Variants in NOP53 observed in about 807,000 individuals in gnomAD.
NOP53 encodes the protein ribosome biogenesis protein NOP53.
In NOP53, 40 loss-of-function variants were observed where a neutral mutation model predicts 61.0. That is an observed-to-expected ratio of 0.66 (90% CI 0.51 to 0.85). The LOEUF is 0.85. Among genes scored for constraint, NOP53 ranks in the 40% least tolerant of loss-of-function variants. The pLI is 0.00. For missense variants in NOP53, 689 were observed against 652.9 expected, an observed-to-expected ratio of 1.06 and a Z score of -0.60; for synonymous variants, 308 against 289.5, an observed-to-expected ratio of 1.06 and a Z score of -0.65.
rs1967161587 is a variant in NOP53, at chr19:47,754,442, G to C, written c.766-85G>C. On this transcript the variant is annotated intron_variant, in intron 6 of 12. Coordinates refer to ENST00000246802, the MANE Select transcript of NOP53 (RefSeq NM_015710.5). The surrounding 1 kb of genome is among the most constrained non-coding windows in gnomAD (Gnocchi z 4.2). ...GCCGGGGCGGGATCCACGGGCACTG[G>C]ATGAGGGACAGATGGGAGGTAAGAG... 11 of 1,086,586 alleles carry C rather than the reference G, an allele frequency of 1.0e-5. No homozygotes were observed. In the South Asian group the frequency reaches 1.5e-4, roughly 15 times the overall value. 67.3% of individuals were successfully genotyped at this position (1,086,586 alleles called of 1,614,324 possible). A position where few individuals can be genotyped will look rare whatever the true frequency, so the allele number is the denominator to read the frequency against.
intron 6 of NOP53, 54 bp downstream of exon 6, chr19:47,752,661 G>T: frequency 9.4e-7 from 1 of 1,060,408 alleles, no homozygotes; most frequent in Non-Finnish European, 1.5e-6. Flanking sequence ...TCTTGGTCAG[G>T]CCTTCACTAG....
In NOP53 at chr19:47,754,557, T is replaced by G; in HGVS notation, c.796T>G (p.Leu266Val). ...GCTCTCAGCGGCCCACGAGGTGGAGTTGCAGCGGCAGAAGGAGGCGGAGAA... is the reference window on the plus strand; with the variant it reads ...GCTCTCAGCGGCCCACGAGGTGGAGGTGCAGCGGCAGAAGGAGGCGGAGAA... ...TLLSAAHEVE[L>V]QRQKEAEKLE... The change falls in exon 7 of 13, where the codon TTG becomes GTG. Residue 266 changes from leucine (L) to valine (V), a missense_variant. By Grantham distance (32) the Leu-to-Val change is conservative. Coordinates refer to ENST00000246802, the MANE Select transcript of NOP53 (RefSeq NM_015710.5). The surrounding 1 kb of genome is among the most constrained non-coding windows in gnomAD (Gnocchi z 4.2). 6.4e-7 allele frequency: 1 copy of G among 1,551,686 alleles called. No homozygotes were observed. The highest frequency in any genetic ancestry group is 8.7e-7 in the Non-Finnish European group (1 of 1,148,540).
chr19:47,749,006 A>G (rs1001434631), intron 2 of NOP53, among the ~76,000 whole-genome samples: 6 of 152,086 alleles, frequency 3.9e-5, no homozygotes, highest in Non-Finnish European at 5.9e-5. Flanking sequence ...TACTAAGAGT[A>G]CAAAATTAGC....
At chr19:47,752,045 G>A (rs1339455589) in intron 5 of NOP53, among the ~76,000 whole-genome samples, 3 of 151,956 alleles carry the variant, frequency 2.0e-5, no homozygotes, top group Non-Finnish European at 4.4e-5. Flanking sequence ...AGGTGGAGGT[G>A]GCAGTGAGCC....
chr19:47,745,752 G>T lies in NOP53; in HGVS notation c.193G>T (p.Glu65Ter). 1 of 1,592,582 alleles carries T rather than the reference G, an allele frequency of 6.3e-7. No individual in the cohort carries two copies. The highest frequency in any genetic ancestry group is 8.6e-7 in the Non-Finnish European group (1 of 1,169,382). The change falls in exon 1 of 13, where the codon GAA (glutamate) becomes TAA (stop). Residue 65 changes from glutamate (E) to a stop codon, truncating the protein, a stop_gained. Coordinates refer to ENST00000246802, the MANE Select transcript of NOP53 (RefSeq NM_015710.5). LOFTEE classifies it high-confidence loss of function. ...PLGLEVDQFL[E>*]DVRLQERTSG... is the part of the protein sequence containing the mutation. Reference sequence around the variant, plus strand: ...GGGGCTGGAGGTTGACCAGTTCCTGGAAGACGTGCGGCTACAGGAGCGCAC... The same window carrying T: ...GGGGCTGGAGGTTGACCAGTTCCTGTAAGACGTGCGGCTACAGGAGCGCAC...
At position 47,754,767 on chromosome 19, in the gene NOP53, A is replaced by G; in HGVS notation, c.929A>G (p.Glu310Gly). ...GLLEESDGEG[E>G]PGQGEGPEAG... Reference sequence around the variant, plus strand: ...CTGGAGGAGTCGGATGGTGAGGGGGAGCCAGGCCAGGGCGAGGGGCCGGAG... The same window carrying G: ...CTGGAGGAGTCGGATGGTGAGGGGGGGCCAGGCCAGGGCGAGGGGCCGGAG... Residue 310 changes from glutamate (E) to glycine (G), a missense_variant, in exon 8 of 13, where the codon GAG becomes GGG. Coordinates refer to ENST00000246802, the MANE Select transcript of NOP53 (RefSeq NM_015710.5). This position sits in a 1 kb window ranked among gnomAD's most constrained non-coding sequence, Gnocchi z 4.2. 1.3e-6 allele frequency: 2 copies of G among 1,524,846 alleles called. No individual in the cohort carries two copies. Among genetic ancestry groups the G allele is most frequent in the Non-Finnish European group, 1.8e-6 (2 of 1,133,506 alleles). The allele number at this position is 1,524,846 out of a possible 1,614,324, so 94.5% of individuals were successfully genotyped here.
At chr19:47,751,649 C>A in intron 5 of NOP53, 59 bp downstream of exon 5, 2 of 1,263,864 alleles carry the variant, frequency 1.6e-6, no homozygotes, top group Non-Finnish European at 2.3e-6. Flanking sequence ...CCGGGAGCTG[C>A]TCTGTGTTCC....
intron 1 of NOP53, chr19:47,746,741 G>C (rs1967069255): frequency 2.4e-6 from 1 of 420,750 alleles, no homozygotes; most frequent in African/African-American, 2.1e-5. Flanking sequence ...GACCTCAGGT[G>C]AGCCACCCGC....
In NOP53 at chr19:47,754,736, G is replaced by T; in HGVS notation, c.898G>T (p.Gly300Trp). ...GTCCACATTCCAGGAGCTGTGCGAG[G>T]GGCTGCTGGAGGAGTCGGATGGTGA... ...QESTFQELCE[G>W]LLEESDGEGE... Residue 300 changes from glycine to tryptophan, a missense_variant, in exon 8 of 13, where the codon GGG (glycine) becomes TGG (tryptophan). Coordinates refer to ENST00000246802, the MANE Select transcript of NOP53 (RefSeq NM_015710.5). The surrounding 1 kb of genome is among the most constrained non-coding windows in gnomAD (Gnocchi z 4.2). 1 of 1,529,818 alleles carries T rather than the reference G, an allele frequency of 6.5e-7. No homozygotes were observed. 94.8% of individuals were successfully genotyped at this position (1,529,818 alleles called of 1,614,324 possible).
intron 6 of NOP53, chr19:47,753,766 C>T (rs1225912934): frequency 1.3e-5 from 2 of 152,224 alleles, no homozygotes; most frequent in Non-Finnish European, 1.5e-5. Flanking sequence ...AGATAAAATT[C>T]ACTTAACCAT....
At position 47,754,931 on chromosome 19, in the gene NOP53, G is replaced by T. The variant is rs761484579; in HGVS notation, c.1053+40G>T. 7 of 1,464,196 alleles carry T rather than the reference G, an allele frequency of 4.8e-6. No homozygotes were observed. The African/African-American group carries it at 1.0e-4, about 21-fold the overall frequency. 90.7% of individuals were successfully genotyped at this position (1,464,196 alleles called of 1,614,324 possible). A position where few individuals can be genotyped will look rare whatever the true frequency, so the allele number is the denominator to read the frequency against. ...CAGCGGGGCCTGCCTCTGATGCCTC[G>T]CCCCCTTCCTTCCTTCCTCCCACCA... On this transcript the variant is annotated intron_variant, in intron 8 of 12. Coordinates refer to ENST00000246802, the MANE Select transcript of NOP53 (RefSeq NM_015710.5). This position sits in a 1 kb window ranked among gnomAD's most constrained non-coding sequence, Gnocchi z 4.2.
chr19:47,750,167 C>T lies in NOP53; in HGVS notation c.290-11C>T. 2 of 1,567,948 alleles carry T rather than the reference C, an allele frequency of 1.3e-6. No individual in the cohort carries two copies. The highest frequency in any genetic ancestry group is 1.8e-6 in the Non-Finnish European group (2 of 1,138,306). The stretch of plus-strand genomic sequence containing the variant: ...GCTGAGGCCTTGACTTGTTCTCTTT[C>T]CCATTCTTAGGGCTGACAAAGAAGA... On this transcript the variant is annotated splice_polypyrimidine_tract_variant and intron_variant, in intron 2 of 12. Coordinates refer to ENST00000246802, the MANE Select transcript of NOP53 (RefSeq NM_015710.5).
chr19:47,746,986 C>A lies in NOP53; in HGVS notation c.244C>A (p.Pro82Thr), dbSNP rs138693122. 1.9e-6 allele frequency: 3 copies of A among 1,613,692 alleles called. No individual in the cohort carries two copies. Among genetic ancestry groups the A allele is most frequent in the African/African-American group, 2.7e-5 (2 of 74,894 alleles). The change falls in exon 2 of 13, where the codon CCA becomes ACA. Residue 82 changes from proline to threonine, a missense_variant. Physicochemically the swap from Pro to Thr is conservative, Grantham distance 38 (BLOSUM62 -1). Coordinates refer to ENST00000246802, the MANE Select transcript of NOP53 (RefSeq NM_015710.5). ...RTSGGLLSEA[P>T]NEKLFFVDTG... The stretch of plus-strand genomic sequence containing the variant: ...CCCCAGTGGCTTGTTGTCAGAGGCC[C>A]CAAATGAAAAACTCTTCTTCGTGGA...
At chr19:47,749,376 T>C (rs1295952188) in intron 2 of NOP53, among the ~76,000 whole-genome samples, 1 of 152,034 alleles carries the variant, frequency 6.6e-6, no homozygotes, top group African/African-American at 2.4e-5. Context: ...CGGACAAAGA[T>C]CATAGTGGTT....
chr19:47,748,278 C>T (rs897418311), intron 2 of NOP53, among the ~76,000 whole-genome samples: 3 of 151,926 alleles, frequency 2.0e-5, no homozygotes, highest in Admixed American at 1.3e-4. Flanking sequence ...GGGTAACACA[C>T]GTCTTAACTT....
rs1351913920 is a variant in NOP53 at position 47,751,244 on chromosome 19, C to T, written c.598+137C>T. The T allele has an allele frequency of 9.8e-6, 8 of 819,320 alleles. No individual in the cohort carries two copies. In the Admixed American group the frequency reaches 1.4e-4, roughly 14 times the overall value. The allele number at this position is 819,320 out of a possible 1,614,324, so 50.8% of individuals were successfully genotyped here. ...TTGGTGACCTCCCAGCAGAGTCGTGCGTCCTGAAGGGGCGGCCGTTTCCCA... is the reference window on the plus strand; with the variant it reads ...TTGGTGACCTCCCAGCAGAGTCGTGTGTCCTGAAGGGGCGGCCGTTTCCCA... On this transcript the variant is annotated intron_variant, in intron 4 of 12. Coordinates refer to ENST00000246802, the MANE Select transcript of NOP53 (RefSeq NM_015710.5).
At chr19:47,748,633 C>T (rs544333971) in intron 2 of NOP53, among the ~76,000 whole-genome samples, 14 of 152,252 alleles carry the variant, frequency 9.2e-5, no homozygotes, top group African/African-American at 3.4e-4. Flanking sequence ...GTGGCCTACA[C>T]CTGTAAGCCC....
chr19:47,745,807 A>G (rs1967054857), intron 1 of NOP53, 24 bp downstream of exon 1: 1 of 1,403,236 alleles, frequency 7.1e-7, no homozygotes, highest in East Asian at 2.9e-5. Flanking sequence ...GACTTCCGGG[A>G]GGTGGGACGG....
chr19:47,750,197 C>G lies in NOP53; in HGVS notation c.309C>G (p.Thr103=), dbSNP rs79458115. ...TCTTAGGGCTGACAAAGAAGAGAACCAAAGTCCAGAAGAAGTCACTGCTTC... is the reference window on the plus strand; with the variant it reads ...TCTTAGGGCTGACAAAGAAGAGAACGAAAGTCCAGAAGAAGTCACTGCTTC... ...SKEKGLTKKR[T]KVQKKSLLLK... Residue 103 remains threonine, a synonymous_variant, in exon 3 of 13, where the codon ACC becomes ACG. Coordinates refer to ENST00000246802, the MANE Select transcript of NOP53 (RefSeq NM_015710.5). The G allele has an allele frequency of 3.4e-3, 5,426 of 1,611,162 alleles. 167 individuals are homozygous for G. The African/African-American group carries it at 0.062, about 18-fold the overall frequency.
Sources: allele counts gnomAD v4.1 joint callset (sites outside exome capture counted in the v4.1 genomes callset), GRCh38; gene constraint gnomAD v4.1.1; non-coding constraint Gnocchi (gnomAD v3.1); transcripts MANE v1.5; gene names NCBI Gene and HGNC (gene_info 2026-07-23, HGNC 2026-07-21).